PRELID2: variants seen among roughly 807,000 people sequenced by gnomAD.
PRELID2 encodes PRELI domain containing 2.
In PRELID2, 25 loss-of-function variants were observed where a neutral mutation model predicts 28.4. The ratio of observed to expected loss-of-function variants is 0.88; its 90% CI spans 0.64 to 1.23. The LOEUF is 1.23. Among genes scored for constraint, PRELID2 ranks in the 50% most tolerant of loss-of-function variants. PRELID2 has a pLI of 0.00. For synonymous variants in PRELID2, 76 were observed against 71.6 expected (o/e 1.06, Z -0.31); for missense variants, 201 against 214.4 (o/e 0.94, Z 0.39).
the PRELID2 span, among the ~76,000 whole-genome samples, chr5:145,301,840 C>A: frequency 1.3e-5 from 2 of 151,826 alleles, no homozygotes; most frequent in Admixed American, 6.6e-5. Context: ...AGTTGAATAT[C>A]CTTACATCAA....
intron 4 of PRELID2, 138 bp from the exon 5 acceptor site, chr5:145,796,685 TAAG>T (rs555561127): frequency 5.5e-5 from 24 of 439,022 alleles, no homozygotes; most frequent in South Asian, 1.5e-4. Flanking sequence ...CTACCTATTA[TAAG>T]AAGATTTTGT....
At chr5:145,602,241 GTCCA>G (rs1753408394) in intron 1 of PRELID2, among the ~76,000 whole-genome samples, 1 of 152,114 alleles carries the variant, frequency 6.6e-6, no homozygotes, top group Non-Finnish European at 1.5e-5. Flanking sequence ...AGAGAGAAAA[GTCCA>G]AGCCCAAGAC....
intron 1 of PRELID2, among the ~76,000 whole-genome samples, chr5:145,487,743 G>T (rs911425758): frequency 3.3e-5 from 5 of 151,812 alleles, no homozygotes; most frequent in African/African-American, 7.3e-5. Context: ...GGAAGGAAGG[G>T]TATCAGGTTT....
chr5:145,617,708 TTTGG>T (rs1172906957), intron 1 of PRELID2, among the ~76,000 whole-genome samples: 12 of 151,530 alleles, frequency 7.9e-5, no homozygotes, highest in Admixed American at 2.0e-4. Context: ...TTCCTGAAGT[TTTGG>T]TTGTTTTTTC....
intron 1 of PRELID2, among the ~76,000 whole-genome samples, chr5:145,686,216 T>C (rs1403282789): frequency 6.6e-6 from 1 of 152,128 alleles, no homozygotes; most frequent in East Asian, 1.9e-4. Flanking sequence ...ACCCAAACCC[T>C]ACATACACAA....
intron 4 of PRELID2, among the ~76,000 whole-genome samples, chr5:145,802,059 G>T (rs1753175482): frequency 4.6e-5 from 7 of 152,186 alleles, no homozygotes. Context: ...GCCTATTAAG[G>T]CAGGGTGAAT....
chr5:145,749,154 A>G (rs1036433556), intron 1 of PRELID2, among the ~76,000 whole-genome samples: 1 of 152,218 alleles, frequency 6.6e-6, no homozygotes, highest in Non-Finnish European at 1.5e-5. Context: ...TCTGCACAGC[A>G]AAAGAAACTA....
intron 1 of PRELID2, among the ~76,000 whole-genome samples, chr5:145,584,915 C>A (rs1026665775): frequency 6.6e-6 from 1 of 152,116 alleles, no homozygotes; most frequent in South Asian, 2.1e-4. Context: ...TATCATTTGA[C>A]TAAGCAATCC....
intron 1 of PRELID2, among the ~76,000 whole-genome samples, chr5:145,660,283 C>A (rs547086058): frequency 3.9e-5 from 6 of 152,096 alleles, no homozygotes; most frequent in Non-Finnish European, 8.8e-5. Context: ...TGTTTCTTTT[C>A]TAAATTATGA....
intron 1 of PRELID2, among the ~76,000 whole-genome samples, chr5:145,700,216 C>T (rs1253515481): frequency 6.6e-6 from 1 of 151,932 alleles, no homozygotes; most frequent in Non-Finnish European, 1.5e-5. Context: ...TTCCATCGCC[C>T]CTAGACATCA....
At chr5:145,522,443 G>C (rs1174865791) in intron 1 of PRELID2, among the ~76,000 whole-genome samples, 1 of 152,040 alleles carries the variant, frequency 6.6e-6, no homozygotes, top group Non-Finnish European at 1.5e-5. Context: ...AAGAGAGACA[G>C]AGAGACAGAG....
chr5:145,463,884 A>G, the PRELID2 span, among the ~76,000 whole-genome samples: 3 of 152,212 alleles, frequency 2.0e-5, no homozygotes, highest in African/African-American at 7.2e-5. Context: ...ATTCAGAGAT[A>G]AAAGTTACCA....
chr5:145,253,262 T>C, the PRELID2 span, among the ~76,000 whole-genome samples: 1 of 152,148 alleles, frequency 6.6e-6, no homozygotes, highest in Non-Finnish European at 1.5e-5. Context: ...TGTGGTTGAC[T>C]ATTTACTTAA....
At chr5:145,579,392 T>C (rs1208219890) in intron 1 of PRELID2, among the ~76,000 whole-genome samples, 4 of 152,136 alleles carry the variant, frequency 2.6e-5, no homozygotes, top group African/African-American at 9.7e-5. Context: ...TCTGGTTATG[T>C]CATCTTAGCT....
At chr5:145,689,803 G>A (rs539440703) in intron 1 of PRELID2, among the ~76,000 whole-genome samples, 3 of 152,206 alleles carry the variant, frequency 2.0e-5, no homozygotes, top group South Asian at 2.1e-4. Flanking sequence ...CAGCCCAATC[G>A]GGGGCAGTCT....
At chr5:145,671,949 C>CA (rs997251189) in intron 1 of PRELID2, among the ~76,000 whole-genome samples, 4 of 152,194 alleles carry the variant, frequency 2.6e-5, no homozygotes, top group African/African-American at 7.2e-5. Context: ...AATTCAGAAA[C>CA]AAAAAATTAT....
chr5:145,573,513 A>T (rs1345182482), intron 1 of PRELID2, among the ~76,000 whole-genome samples: 3 of 151,902 alleles, frequency 2.0e-5, no homozygotes, highest in African/African-American at 7.3e-5. Context: ...CTGCCCGCAC[A>T]ACAGGCCCCC....
Position 145,591,106 on chromosome 5 carries a change from T to A in PRELID2, n.71-117791A>T, listed in dbSNP as rs142929323. Among the ~76,000 whole-genome samples, 251 of 150,160 alleles carry A rather than the reference T, an allele frequency of 1.7e-3. 1 individual carries two copies. The highest frequency in any genetic ancestry group is 6.8e-3 in the Middle Eastern group (2 of 294). On this transcript the variant is annotated intron_variant and non_coding_transcript_variant, in intron 1 of 2. Coordinates refer to the PRELID2 transcript ENST00000510259. ...AGCCCAGGAGTTCAAGAACAGCCTT[T>A]GCAACATGGCGAGACCCTGTCTCTA...
At chr5:145,820,992 A>G (rs763525450) in intron 2 of PRELID2, among the ~76,000 whole-genome samples, 2 of 151,590 alleles carry the variant, frequency 1.3e-5, no homozygotes, top group Non-Finnish European at 2.9e-5. Flanking sequence ...ACTTCTCCCA[A>G]CTCCTGAGAT....
Sources: allele counts gnomAD v4.1 joint callset (sites outside exome capture counted in the v4.1 genomes callset), GRCh38; gene constraint gnomAD v4.1.1; transcripts MANE v1.5; gene names NCBI Gene and HGNC (gene_info 2026-07-23, HGNC 2026-07-21).